Variants in BNC1 observed in about 807,000 individuals in gnomAD.
The protein encoded by BNC1 is zinc finger protein basonuclin-1.
A neutral mutation model predicts 66.5 loss-of-function variants in BNC1; 8 were observed. The observed-to-expected ratio is 0.12, with a 90% CI of 0.07 to 0.22. The LOEUF is 0.22. Among genes scored for constraint, BNC1 ranks in the 10% least tolerant of loss-of-function variants. BNC1 has a pLI of 1.00. For missense variants in BNC1, 1,069 were observed against 1,241.3 expected (o/e 0.86, Z 2.09); for synonymous variants, 454 against 452.6 (o/e 1.00, Z -0.04).
chr15:83,266,347 A>C lies in BNC1; in HGVS notation c.435+489T>G, dbSNP rs182958613. ...TGAGCAAATGCATACATGAACACAG[A>C]AATATAAAAAATAGAGCCTAAGAAG... On this transcript the variant is annotated intron_variant, in intron 3 of 4. Transcript: ENST00000345382. 1.4e-3 allele frequency among the ~76,000 whole-genome samples: 218 copies of C among 152,278 alleles called. 1 individual carries two copies. The highest frequency in any genetic ancestry group is 5.0e-3 in the African/African-American group (208 of 41,560).
rs1165666613 is a variant in BNC1 at position 83,257,349 on chromosome 15, C to T, written c.*93G>A. ...AATCAAATACTTTTGCCTGACTCGCCCCAAATGATATGAAACAGAAACATT... is the reference window on the plus strand; with the variant it reads ...AATCAAATACTTTTGCCTGACTCGCTCCAAATGATATGAAACAGAAACATT... On this transcript the variant is annotated 3_prime_UTR_variant, in exon 5 of 5. Transcript: ENST00000345382. 2 of 1,396,138 alleles carry T rather than the reference C, an allele frequency of 1.4e-6. No homozygotes were observed. The highest frequency in any genetic ancestry group is 2.0e-6 in the Non-Finnish European group (2 of 1,022,452). The allele number at this position is 1,396,138 out of a possible 1,614,324, so 86.5% of individuals were successfully genotyped here.
chr15:83,272,728 T>A (rs968543113), intron 1 of BNC1, among the ~76,000 whole-genome samples: 1 of 152,160 alleles, frequency 6.6e-6, no homozygotes, highest in African/African-American at 2.4e-5. Flanking sequence ...AGCAAAATCA[T>A]AGAGGGAACA....
At chr15:83,282,293 T>A (rs2038387137) in intron 1 of BNC1, among the ~76,000 whole-genome samples, 1 of 152,254 alleles carries the variant, frequency 6.6e-6, no homozygotes, top group Non-Finnish European at 1.5e-5. Flanking sequence ...TAGTAATAGT[T>A]TCTTGGTGAA....
chr15:83,262,055 T>G (rs1596589421), intron 4 of BNC1, among the ~76,000 whole-genome samples: 1 of 149,016 alleles, frequency 6.7e-6, no homozygotes, highest in South Asian at 2.2e-4. Flanking sequence ...GTTTTTTTTT[T>G]TTTTTTTTTT....
chr15:83,260,289 C>G (rs2038126629), intron 4 of BNC1, among the ~76,000 whole-genome samples: 1 of 152,128 alleles, frequency 6.6e-6, no homozygotes, highest in Non-Finnish European at 1.5e-5. Flanking sequence ...AGCCACTCAT[C>G]TCACTAAATT....
chr15:83,264,262 G>A lies in BNC1; in HGVS notation c.989C>T (p.Thr330Ile). 6.2e-7 allele frequency: 1 copy of A among 1,614,154 alleles called. No individual in the cohort carries two copies. The highest frequency in any genetic ancestry group is 1.1e-5 in the South Asian group (1 of 91,078). The change falls in exon 4 of 5, where the codon ACT becomes ATT. Residue 330 changes from threonine to isoleucine, a missense_variant. Physicochemically the swap from Thr to Ile is moderately conservative, Grantham distance 89. Transcript: ENST00000345382. ...GGATAACTGTGTCCTTTCAAACTTA[G>A]TGACAATGTTGTATGAGCTGGAGTC... Reference protein sequence around the residue: ...LSDSSSYNIVTKFERTQLSPE... With the variant: ...LSDSSSYNIVIKFERTQLSPE...
chr15:83,264,747 C>T lies in BNC1; in HGVS notation c.504G>A (p.Gln168=). ...MTSEEEVATL[Q]QFLRFGETKS... is the part of the protein sequence containing the mutation. ...TGGTCTCTCCAAAACGAAGGAACTG[C>T]TGCAAGGTGGCCACTTCTTCCTCAC... The change falls in exon 4 of 5, where the codon CAG becomes CAA. Residue 168 remains glutamine (Q), a synonymous_variant. Coordinates refer to ENST00000345382, the MANE Select transcript of BNC1 (RefSeq NM_001717.4). 2 of 1,614,186 alleles carry T rather than the reference C, an allele frequency of 1.2e-6. No individual in the cohort carries two copies. The highest frequency in any genetic ancestry group is 1.7e-6 in the Non-Finnish European group (2 of 1,180,030).
intron 1 of BNC1, chr15:83,283,394 CCT>C: frequency 1.5e-6 from 2 of 1,311,476 alleles, no homozygotes; most frequent in Non-Finnish European, 1.9e-6. Context: ...GCAGCGGCCT[CCT>C]CCTTCTCCGC....
At chr15:83,284,217 G>A (rs892149106) in intron 1 of BNC1, among the ~76,000 whole-genome samples, 5 of 152,036 alleles carry the variant, frequency 3.3e-5, no homozygotes, top group Admixed American at 6.5e-5. Context: ...CCCGCCGAGT[G>A]CCGCCGCCGA....
intron 1 of BNC1, among the ~76,000 whole-genome samples, chr15:83,269,372 G>A (rs1028391264): frequency 6.6e-6 from 1 of 152,156 alleles, no homozygotes; most frequent in African/African-American, 2.4e-5. Context: ...AGGTTCCTGG[G>A]AAGAGCTGCT....
rs1392127836 is a variant in BNC1 at position 83,284,533 on chromosome 15, G to T, written c.96C>A (p.Ala32=). ...CCGCGGAGGGCGCCGCGCTTACCTC[G>T]GCCATCCTGCGACCGCTGCGGTGCC... ...QPRHRSGRRM[A]EAISCTLNCS... Residue 32 remains alanine (A), a synonymous_variant, in exon 1 of 5, where the codon GCC becomes GCA. Transcript: ENST00000345382. The T allele has an allele frequency of 2.5e-6, 3 of 1,186,632 alleles. No individual in the cohort carries two copies. In the African/African-American group the frequency reaches 5.0e-5, roughly 20 times the overall value. 73.5% of individuals were successfully genotyped at this position (1,186,632 alleles called of 1,614,324 possible).
chr15:83,267,836 C>G (rs138946339), intron 2 of BNC1, among the ~76,000 whole-genome samples: 127 of 152,302 alleles, frequency 8.3e-4, no homozygotes, highest in African/African-American at 3.0e-3. Flanking sequence ...TGTATTTTAT[C>G]TGGCAATCCT....
At chr15:83,283,617 C>T (rs1183163522) in intron 1 of BNC1, among the ~76,000 whole-genome samples, 1 of 152,218 alleles carries the variant, frequency 6.6e-6, no homozygotes. Flanking sequence ...GCGGGCTCCG[C>T]AGCCCAGGCC....
chr15:83,281,453 CATT>C (rs781177024), intron 1 of BNC1, among the ~76,000 whole-genome samples: 7 of 152,284 alleles, frequency 4.6e-5, no homozygotes, highest in Non-Finnish European at 8.8e-5. Context: ...GGTGGCTCAT[CATT>C]GAGATTTTAC....
At chr15:83,277,165 C>T (rs909506804) in intron 1 of BNC1, among the ~76,000 whole-genome samples, 1 of 152,142 alleles carries the variant, frequency 6.6e-6, no homozygotes, top group Non-Finnish European at 1.5e-5. Context: ...GTCTCTACCT[C>T]CCGGGATCAA....
intron 1 of BNC1, among the ~76,000 whole-genome samples, chr15:83,275,156 G>T (rs1451363122): frequency 6.6e-6 from 1 of 152,178 alleles, no homozygotes; most frequent in Non-Finnish European, 1.5e-5. Flanking sequence ...GCAGAGACAG[G>T]AAATGAACAA....
rs2038167668 is a variant in BNC1 at position 83,263,311 on chromosome 15, C to G, written c.1940G>C (p.Arg647Thr). 6.2e-7 allele frequency: 1 copy of G among 1,614,116 alleles called. No homozygotes were observed. Among genetic ancestry groups the G allele is most frequent in the African/African-American group, 1.3e-5 (1 of 74,934 alleles). Residue 647 changes from arginine to threonine, a missense_variant, in exon 4 of 5, where the codon AGG (arginine) becomes ACG (threonine). By Grantham distance (71) the Arg-to-Thr change is moderately conservative (BLOSUM62 -1). Coordinates refer to ENST00000345382, the MANE Select transcript of BNC1 (RefSeq NM_001717.4). ...TTCATGGCCACCATCCTCGACCTCC[C>G]TTGGCACCATGATCAATGCTGGTGT... Reference protein sequence around the residue: ...EQTPALIMVPREVEDGGHEHY... With the variant: ...EQTPALIMVPTEVEDGGHEHY...
At chr15:83,269,388 G>A (rs1407837183) in intron 1 of BNC1, among the ~76,000 whole-genome samples, 1 of 152,136 alleles carries the variant, frequency 6.6e-6, no homozygotes, top group Admixed American at 6.5e-5. Context: ...CTGCTGGGTA[G>A]AATTTGTATG....
chr15:83,283,060 C>G, intron 1 of BNC1: 1 of 1,484,300 alleles, frequency 6.7e-7, no homozygotes. Context: ...CCCCGAGCGT[C>G]TGATGCCCCC....
Sources: allele counts gnomAD v4.1 joint callset (sites outside exome capture counted in the v4.1 genomes callset), GRCh38; gene constraint gnomAD v4.1.1; transcripts MANE v1.5; gene names NCBI Gene and HGNC (gene_info 2026-07-23, HGNC 2026-07-21).